Variants in PICALM observed in about 807,000 individuals in gnomAD.
PICALM encodes phosphatidylinositol-binding clathrin assembly protein.
In PICALM, 40 loss-of-function variants were observed where a neutral mutation model predicts 80.5. The observed-to-expected ratio is 0.50, with a 90% CI of 0.39 to 0.65. The LOEUF is 0.65. PICALM is among the 30% of genes least tolerant of loss of function. The probability of loss-of-function intolerance (pLI) is 0.00; values close to 1 mark genes in which losing one functional copy is unlikely to be tolerated. For synonymous variants in PICALM, 288 were observed against 260.3 expected (o/e 1.11, Z -1.02); for missense variants, 676 against 778.9 (o/e 0.87, Z 1.57).
Position 85,983,937 on chromosome 11 carries a change from G to A in PICALM, c.1445C>T (p.Ser482Leu). 1 of 1,603,560 alleles carries A rather than the reference G, an allele frequency of 6.2e-7. No individual in the cohort carries two copies. ...TTCAAAGTCAACATTAAGGCCAGCTGAAGGGTGTGGCTGTGCAACTGGAGA... is the reference window on the plus strand; with the variant it reads ...TTCAAAGTCAACATTAAGGCCAGCTAAAGGGTGTGGCTGTGCAACTGGAGA... ...TPSPVAQPHPSAGLNVDFESV... is the reference protein window; with the variant it reads ...TPSPVAQPHPLAGLNVDFESV... The change falls in exon 14 of 20, where the codon TCA becomes TTA. Residue 482 changes from serine to leucine, a missense_variant. By Grantham distance (145) the Ser-to-Leu change is moderately radical (BLOSUM62 -2). Around this residue, in one of 2 missense-constraint regions of PICALM, gnomAD observed 391 missense variants for 383.6 expected, o/e 1.02. Coordinates refer to ENST00000393346, the MANE Select transcript of PICALM (RefSeq NM_007166.4).
At chr11:85,967,658 C>T (rs2093946928) in intron 19 of PICALM, among the ~76,000 whole-genome samples, 1 of 152,094 alleles carries the variant, frequency 6.6e-6, no homozygotes, top group African/African-American at 2.4e-5. Context: ...CTGGAGAGAT[C>T]GGCTGACAGA....
chr11:86,038,926 A>G (rs548314892), intron 1 of PICALM, among the ~76,000 whole-genome samples: 2 of 152,202 alleles, frequency 1.3e-5, no homozygotes, highest in African/African-American at 4.8e-5. Flanking sequence ...CCTGGCCAAC[A>G]TGGTGAAACC....
chr11:85,981,634 G>T, intron 16 of PICALM, 111 bp downstream of exon 16: 73 of 703,512 alleles, frequency 1.0e-4, no homozygotes, highest in Non-Finnish European at 1.5e-4. Flanking sequence ...ATGCAGACTT[G>T]ATATCTCTAC....
intron 1 of PICALM, among the ~76,000 whole-genome samples, chr11:86,055,710 A>C (rs1593422700): frequency 6.6e-6 from 1 of 152,290 alleles, no homozygotes; most frequent in East Asian, 1.9e-4. Flanking sequence ...CCATATACAA[A>C]AGTTAACTCA....
chr11:86,000,846 A>T (rs1229160455), intron 10 of PICALM, 67 bp from the exon 11 acceptor site: 8 of 1,554,338 alleles, frequency 5.1e-6, no homozygotes, highest in Non-Finnish European at 7.0e-6. Context: ...CTCTGAAAAA[A>T]GCATTTTCTA....
chr11:85,982,565 C>G (rs2094474115), intron 14 of PICALM, among the ~76,000 whole-genome samples: 3 of 146,696 alleles, frequency 2.0e-5, no homozygotes, highest in Admixed American at 2.0e-4. Flanking sequence ...GTAGCTGGGA[C>G]TACAGGCGCC....
Position 86,068,732 on chromosome 11 carries a change from C to T in PICALM, c.49G>A (p.Val17Ile). Residue 17 changes from valine (V) to isoleucine (I), a missense_variant, in exon 1 of 20, where the codon GTC (valine) becomes ATC (isoleucine). By Grantham distance (29) the Val-to-Ile change is conservative. Coordinates refer to ENST00000393346, the MANE Select transcript of PICALM (RefSeq NM_007166.4). ...TDRITAAQHS[V>I]TGSAVSKTVC... ...GTCTTGGATACGGCAGAGCCGGTGA[C>T]ACTGTGCTGGGCGGCAGTGATTCGG... 6.2e-7 allele frequency: 1 copy of T among 1,613,038 alleles called. No individual in the cohort carries two copies. Among genetic ancestry groups the T allele is most frequent in the Non-Finnish European group, 8.5e-7 (1 of 1,179,798 alleles).
At chr11:86,061,893 C>T (rs1402642422) in intron 1 of PICALM, among the ~76,000 whole-genome samples, 3 of 151,308 alleles carry the variant, frequency 2.0e-5, no homozygotes, top group African/African-American at 4.9e-5. Flanking sequence ...CAAATAAACC[C>T]GGGTATATCC....
At position 85,977,639 on chromosome 11, in the gene PICALM, C is replaced by T. The variant is rs547273911; in HGVS notation, c.1780-957G>A. Among the ~76,000 whole-genome samples, 5 of 152,242 alleles carry T rather than the reference C, an allele frequency of 3.3e-5. No homozygotes were observed. In the South Asian group the frequency reaches 6.2e-4, roughly 19 times the overall value. On this transcript the variant is annotated intron_variant, in intron 17 of 19. Transcript: ENST00000393346. ...GTTATAAGTTTAGTATTCGGGTGAGCGTGTAGGACTTATTGGTCTCTCCCT... is the reference window on the plus strand; with the variant it reads ...GTTATAAGTTTAGTATTCGGGTGAGTGTGTAGGACTTATTGGTCTCTCCCT...
At chr11:86,050,662 T>C (rs932501367) in intron 1 of PICALM, among the ~76,000 whole-genome samples, 3 of 152,172 alleles carry the variant, frequency 2.0e-5, no homozygotes, top group Non-Finnish European at 2.9e-5. Context: ...CATCAATTCA[T>C]CACTTAATAA....
rs2509605 is a variant in PICALM at position 86,038,520 on chromosome 11, C to T, written c.131-6909G>A. Among the ~76,000 whole-genome samples the T allele has an allele frequency of 1.5e-3, 223 of 152,144 alleles. 3 individuals are homozygous for T. Among genetic ancestry groups the T allele is most frequent in the Admixed American group, 1.7e-3 (26 of 15,290 alleles). On this transcript the variant is annotated intron_variant, in intron 1 of 19. Coordinates refer to ENST00000393346, the MANE Select transcript of PICALM (RefSeq NM_007166.4). Reference sequence around the variant, plus strand: ...AGTCCTGGCCGGGCACGGTGGCTCACGCCTGGAATCCCAGCACTTTGGGAG... The same window carrying T: ...AGTCCTGGCCGGGCACGGTGGCTCATGCCTGGAATCCCAGCACTTTGGGAG...
At chr11:86,029,431 C>A (rs960082095) in intron 2 of PICALM, among the ~76,000 whole-genome samples, 3 of 152,160 alleles carry the variant, frequency 2.0e-5, no homozygotes, top group African/African-American at 7.2e-5. Context: ...AAAAAATGAA[C>A]AGAGCATGGA....
intron 1 of PICALM, among the ~76,000 whole-genome samples, chr11:86,032,474 A>G (rs2136802703): frequency 6.6e-6 from 1 of 152,114 alleles, no homozygotes; most frequent in East Asian, 1.9e-4. Context: ...AATACCAAAA[A>G]CATTAGCTGG....
chr11:86,037,404 C>A (rs1177274237), intron 1 of PICALM, among the ~76,000 whole-genome samples: 1 of 151,544 alleles, frequency 6.6e-6, no homozygotes, highest in African/African-American at 2.4e-5. Context: ...GGATTACAGG[C>A]ACCTGCTACC....
At chr11:86,017,652 ATACT>A (rs2095501793) in intron 4 of PICALM, among the ~76,000 whole-genome samples, 1 of 152,228 alleles carries the variant, frequency 6.6e-6, no homozygotes, top group Non-Finnish European at 1.5e-5. Flanking sequence ...TTGCCACAGC[ATACT>A]AGTATGGTAG....
Position 85,958,788 on chromosome 11 carries a change from T to C in PICALM, c.*258A>G, listed in dbSNP as rs969932109. 1.6e-5 allele frequency: 6 copies of C among 386,052 alleles called. No individual in the cohort carries two copies. Among genetic ancestry groups the C allele is most frequent in the Non-Finnish European group, 2.8e-5 (6 of 213,826 alleles). The allele number at this position is 386,052 out of a possible 1,614,324, so 23.9% of individuals were successfully genotyped here. On this transcript the variant is annotated 3_prime_UTR_variant, in exon 20 of 20. Coordinates refer to ENST00000393346, the MANE Select transcript of PICALM (RefSeq NM_007166.4). ...TGGGTATTAACAGGAGTTGAAAGAA[T>C]TGAAGGGTTAGTCACCAAAAAGACA...
Position 85,996,802 on chromosome 11 carries a change from A to G in PICALM, c.1258+24T>C, listed in dbSNP as rs1249251016. 4 of 1,336,372 alleles carry G rather than the reference A, an allele frequency of 3.0e-6. No individual in the cohort carries two copies. In the African/African-American group the frequency reaches 4.3e-5, roughly 14 times the overall value. 82.8% of individuals were successfully genotyped at this position (1,336,372 alleles called of 1,614,324 possible). On this transcript the variant is annotated intron_variant, in intron 12 of 19. Coordinates refer to ENST00000393346, the MANE Select transcript of PICALM (RefSeq NM_007166.4). ...AGGAGGAGAGATGCATGTAACATCT[A>G]AAATAGAATTCATCAATGCTTACCT...
At chr11:86,050,050 C>T (rs996675739) in intron 1 of PICALM, among the ~76,000 whole-genome samples, 2 of 150,984 alleles carry the variant, frequency 1.3e-5, no homozygotes, top group African/African-American at 4.9e-5. Context: ...AAATAAAATA[C>T]AAAAATTAGC....
Position 86,068,499 on chromosome 11 carries a change from G to A in PICALM, c.130+152C>T, listed in dbSNP as rs894209733. On this transcript the variant is annotated intron_variant, in intron 1 of 19. Transcript: ENST00000393346. ...GAAGGCAGGTGTGATGGAAGCAAAA[G>A]AACACAGCTCAACGGGCACAGGACC... 1.3e-5 allele frequency: 9 copies of A among 692,842 alleles called. No individual in the cohort carries two copies. In the African/African-American group the frequency reaches 1.5e-4, roughly 11 times the overall value. The allele number at this position is 692,842 out of a possible 1,614,324, so 42.9% of individuals were successfully genotyped here. A position where few individuals can be genotyped will look rare whatever the true frequency, so the allele number is the denominator to read the frequency against.
Sources: allele counts gnomAD v4.1 joint callset (sites outside exome capture counted in the v4.1 genomes callset), GRCh38; gene constraint gnomAD v4.1.1; regional missense constraint gnomAD v4.1.1; transcripts MANE v1.5; gene names NCBI Gene and HGNC (gene_info 2026-07-23, HGNC 2026-07-21).